Variants in LNX1 observed in about 807,000 individuals in gnomAD.
LNX1 encodes ligand of numb-protein X 1.
A neutral mutation model predicts 68.4 loss-of-function variants in LNX1; 54 were observed. The ratio of observed to expected loss-of-function variants is 0.79; its 90% CI spans 0.63 to 0.99. The LOEUF is 0.99. LNX1 is among the 50% of genes least tolerant of loss of function. LNX1 has a pLI of 0.00. For missense variants in LNX1, 906 were observed against 926.4 expected (o/e 0.98, Z 0.29); for synonymous variants, 336 against 350.0 (o/e 0.96, Z 0.45).
At chr4:53,513,206 T>C (rs895645130) in intron 2 of LNX1, among the ~76,000 whole-genome samples, 13 of 152,200 alleles carry the variant, frequency 8.5e-5, no homozygotes, top group African/African-American at 3.1e-4. Flanking sequence ...TACAAATCTA[T>C]GGCAGCCCAG....
intron 2 of LNX1, among the ~76,000 whole-genome samples, chr4:53,604,533 G>C (rs1291334373): frequency 6.6e-6 from 1 of 152,206 alleles, no homozygotes; most frequent in Non-Finnish European, 1.5e-5. Context: ...AAATTATAAT[G>C]AGGGCTCCGA....
At chr4:53,560,908 C>G (rs1263784170) in intron 2 of LNX1, among the ~76,000 whole-genome samples, 3 of 152,228 alleles carry the variant, frequency 2.0e-5, no homozygotes, top group Admixed American at 2.0e-4. Context: ...AAAACCCAAC[C>G]TCAAATGAAC....
intron 2 of LNX1, among the ~76,000 whole-genome samples, chr4:53,533,137 G>A (rs2109625673): frequency 6.6e-6 from 1 of 152,338 alleles, no homozygotes; most frequent in Non-Finnish European, 1.5e-5. Flanking sequence ...GGACAGCACA[G>A]TGGGCCTGGC....
chr4:53,645,103 G>A (rs894048747), intron 1 of LNX1, among the ~76,000 whole-genome samples: 1 of 152,166 alleles, frequency 6.6e-6, no homozygotes, highest in Non-Finnish European at 1.5e-5. Flanking sequence ...AGAACAGAAA[G>A]TTTGGCTTAA....
At chr4:53,648,078 T>A (rs1398930242) in intron 1 of LNX1, among the ~76,000 whole-genome samples, 1 of 152,262 alleles carries the variant, frequency 6.6e-6, no homozygotes, top group African/African-American at 2.4e-5. Flanking sequence ...AGTACAAATA[T>A]ATGTTTGAGT....
Position 53,478,552 on chromosome 4 carries a change from C to T in LNX1, c.1663+13G>A, listed in dbSNP as rs753821879. On this transcript the variant is annotated intron_variant, in intron 8 of 10. Coordinates refer to ENST00000263925, the MANE Select transcript of LNX1 (RefSeq NM_001126328.3). ...TGCCACCCCAGTGCCTTTAAAATCC[C>T]TTTACTTTTTACCTGTTTTTATTCT... 6.3e-7 allele frequency: 1 copy of T among 1,598,942 alleles called. No individual in the cohort carries two copies. The highest frequency in any genetic ancestry group is 1.7e-5 in the Admixed American group (1 of 58,526).
chr4:53,518,771 G>A (rs1441364883), intron 2 of LNX1, among the ~76,000 whole-genome samples: 8 of 148,116 alleles, frequency 5.4e-5, no homozygotes, highest in African/African-American at 2.0e-4. Context: ...AATAGGCCAT[G>A]CACCCTGGTG....
In LNX1 at chr4:53,570,951, C is replaced by T. The variant is rs1301494542; in HGVS notation, c.380+2672G>A. ...CTGAGACAGGAGAAAGGCATGAACC[C>T]GGGAGGCCGAGCTTGTGGTGAGCAG... On this transcript the variant is annotated intron_variant, in intron 2 of 10. Coordinates refer to ENST00000263925, the MANE Select transcript of LNX1 (RefSeq NM_001126328.3). 8.6e-5 allele frequency among the ~76,000 whole-genome samples: 13 copies of T among 151,764 alleles called. No individual in the cohort carries two copies. In the Middle Eastern group the frequency reaches 0.01, roughly 119 times the overall value.
chr4:53,609,432 T>C (rs935328034), intron 2 of LNX1, among the ~76,000 whole-genome samples: 3 of 151,214 alleles, frequency 2.0e-5, no homozygotes, highest in African/African-American at 7.3e-5. Flanking sequence ...AAAACTAGTA[T>C]TAGCTAAATA....
chr4:53,471,076 C>A (rs1425954842), intron 9 of LNX1, among the ~76,000 whole-genome samples: 2 of 86,064 alleles, frequency 2.3e-5, no homozygotes, highest in Admixed American at 1.2e-4. Flanking sequence ...CATCGCACTA[C>A]CTGACTTCAA....
rs778906365 is a variant in LNX1, at chr4:53,460,285, C to CAA, written c.*620_*621dup. 11 of 190,778 alleles carry CAA rather than the reference C, an allele frequency of 5.8e-5. No individual in the cohort carries two copies. The highest frequency in any genetic ancestry group is 2.5e-4 in the East Asian group (3 of 11,952). 11.8% of individuals were successfully genotyped at this position (190,778 alleles called of 1,614,324 possible). ...TAGCCATTTCTTACTAAAAACAAAA[C>CAA]AAGTTTATAATTAATTCTCTGAGCG... On this transcript the variant is annotated 3_prime_UTR_variant, in exon 11 of 11. Coordinates refer to ENST00000263925, the MANE Select transcript of LNX1 (RefSeq NM_001126328.3).
intron 4 of LNX1, among the ~76,000 whole-genome samples, chr4:53,506,909 G>C (rs1725934852): frequency 1.4e-5 from 2 of 142,058 alleles, no homozygotes; most frequent in South Asian, 4.5e-4. Flanking sequence ...TAGGGTTGTT[G>C]TGAGGCTTAA....
chr4:53,527,820 G>T (rs907038220), intron 2 of LNX1, among the ~76,000 whole-genome samples: 2 of 152,160 alleles, frequency 1.3e-5, no homozygotes, highest in African/African-American at 4.8e-5. Flanking sequence ...CTTTATGAAA[G>T]TTGCCTCCTC....
At chr4:53,482,831 G>A (rs372501456) in intron 6 of LNX1, among the ~76,000 whole-genome samples, 4 of 152,136 alleles carry the variant, frequency 2.6e-5, no homozygotes, top group Non-Finnish European at 5.9e-5. Context: ...CAAAAACCAC[G>A]TGTATTCCTA....
At chr4:53,467,717 G>A (rs553541502) in intron 9 of LNX1, among the ~76,000 whole-genome samples, 36 of 152,302 alleles carry the variant, frequency 2.4e-4, no homozygotes, top group African/African-American at 2.2e-4. Flanking sequence ...TAGCCGATGC[G>A]ATCAACTGGA....
chr4:53,592,551 C>A (rs1408548720), upstream of LNX1, among the ~76,000 whole-genome samples: 1 of 152,240 alleles, frequency 6.6e-6, no homozygotes, highest in Non-Finnish European at 1.5e-5. Context: ...ACTGTGGATT[C>A]CCCGTCCCGG....
chr4:53,623,557 C>G (rs1173823716), intron 1 of LNX1, among the ~76,000 whole-genome samples: 1 of 151,842 alleles, frequency 6.6e-6, no homozygotes, highest in Non-Finnish European at 1.5e-5. Flanking sequence ...TGATGCAAAC[C>G]ATAAGTTCTT....
intron 6 of LNX1, among the ~76,000 whole-genome samples, chr4:53,487,923 T>G (rs917815122): frequency 5.9e-5 from 9 of 152,340 alleles, no homozygotes; most frequent in African/African-American, 2.2e-4. Context: ...GATGGCTCTT[T>G]CTACACTGTC....
intron 8 of LNX1, 109 bp downstream of exon 8, chr4:53,478,456 G>A (rs1288069590): frequency 6.3e-6 from 6 of 952,610 alleles, no homozygotes; most frequent in East Asian, 2.6e-5. Flanking sequence ...AGTCCTGGCC[G>A]ATCACTCCCA....
Sources: allele counts gnomAD v4.1 joint callset (sites outside exome capture counted in the v4.1 genomes callset), GRCh38; gene constraint gnomAD v4.1.1; transcripts MANE v1.5; gene names NCBI Gene and HGNC (gene_info 2026-07-23, HGNC 2026-07-21).